The following KCNQ1 variants were observed in gnomAD, a reference collection of about 807,000 sequenced individuals.
KCNQ1 encodes the protein potassium voltage-gated channel subfamily Q member 1.
Under a neutral mutation model 72.4 loss-of-function variants are expected in KCNQ1, and 49 were observed. The ratio of observed to expected loss-of-function variants is 0.68; its 90% CI spans 0.54 to 0.86. The LOEUF is 0.86. Ranked by LOEUF, KCNQ1 falls within the 40% of genes least tolerant of loss-of-function variation. The pLI, the probability that KCNQ1 is intolerant of heterozygous loss-of-function variation, is 0.00. For missense variants in KCNQ1, 790 were observed against 945.1 expected (o/e 0.84, Z 2.15); for synonymous variants, 450 against 412.6 (o/e 1.09, Z -1.10).
chr11:2,453,719 C>T (rs1343396468), intron 1 of KCNQ1, among the ~76,000 whole-genome samples: 1 of 152,246 alleles, frequency 6.6e-6, no homozygotes, highest in Non-Finnish European at 1.5e-5. Context: ...ACTGTCTTCA[C>T]TGACCTGTGA....
intron 10 of KCNQ1, chr11:2,633,254 A>G (rs974239029): frequency 2.3e-5 from 9 of 398,358 alleles, no homozygotes; most frequent in Admixed American, 4.4e-5. Context: ...TTGCTGTTGA[A>G]TTGTTTGAAT....
At position 2,627,658 on chromosome 11, in the gene KCNQ1, TTG is replaced by T. The variant is rs765964478; in HGVS notation, c.1394-34293_1394-34292del. 22 of 398,366 alleles carry T rather than the reference TTG, an allele frequency of 5.5e-5. No individual in the cohort carries two copies. Among genetic ancestry groups the T allele is most frequent in the Non-Finnish European group, 4.9e-5 (11 of 226,038 alleles). The allele number at this position is 398,366 out of a possible 1,614,324, so 24.7% of individuals were successfully genotyped here. A position where few individuals can be genotyped will look rare whatever the true frequency, so the allele number is the denominator to read the frequency against. The stretch of plus-strand genomic sequence containing the variant: ...TGCTTTTTAAAGGATGAATATTTCA[TTG>T]TGTGTGTGTATATATGTGTGTGTGT... On this transcript the variant is annotated intron_variant, in intron 10 of 15. Coordinates refer to ENST00000155840, the MANE Select transcript of KCNQ1 (RefSeq NM_000218.3). This position sits in a 1 kb window ranked among gnomAD's most constrained non-coding sequence, Gnocchi z 4.9.
chr11:2,577,577 C>T lies in KCNQ1; in HGVS notation c.921+4591C>T, dbSNP rs542430639. Among the ~76,000 whole-genome samples the T allele has an allele frequency of 1.3e-4, 20 of 152,296 alleles. 1 individual carries two copies. The South Asian group carries it at 2.5e-3, about 19-fold the overall frequency. On this transcript the variant is annotated intron_variant, in intron 6 of 15. Coordinates refer to ENST00000155840, the MANE Select transcript of KCNQ1 (RefSeq NM_000218.3). ...CCATGTGACGGGGAGGCCTGGCCCT[C>T]GTGAATTGGTGTTCGTTTATTTACT...
rs140419554 is a variant in KCNQ1, at chr11:2,764,742, G to A, written c.1515-4102G>A. 6.6e-6 allele frequency among the ~76,000 whole-genome samples: 1 copy of A among 152,190 alleles called. No homozygotes were observed. Among genetic ancestry groups the A allele is most frequent in the East Asian group, 1.9e-4 (1 of 5,186 alleles). On this transcript the variant is annotated intron_variant, in intron 11 of 15. Coordinates refer to ENST00000155840, the MANE Select transcript of KCNQ1 (RefSeq NM_000218.3). This position sits in a 1 kb window ranked among gnomAD's most constrained non-coding sequence, Gnocchi z 4.8. ...TTTTGTGTCTACTTTTACATACTGT[G>A]TTTTTAAATAATTTGTATATTTTAT...
intron 11 of KCNQ1, among the ~76,000 whole-genome samples, chr11:2,763,345 C>G (rs1022577433): frequency 6.7e-6 from 1 of 149,608 alleles, no homozygotes; most frequent in African/African-American, 2.5e-5. Flanking sequence ...GAGAGGATCA[C>G]TTGAGCCCAG....
chr11:2,756,441 TAA>T (rs59499292), intron 11 of KCNQ1, among the ~76,000 whole-genome samples: 5,383 of 137,218 alleles, frequency 0.039, 291 homozygotes, highest in African/African-American at 0.12. Flanking sequence ...TTACTAAAAT[TAA>T]AAAAAAAAAA....
At chr11:2,775,722 G>A (rs1846682168) in intron 12 of KCNQ1, among the ~76,000 whole-genome samples, 1 of 152,234 alleles carries the variant, frequency 6.6e-6, no homozygotes, top group African/African-American at 2.4e-5. Context: ...TAGACAGGAA[G>A]CTGGGACCCA....
chr11:2,464,034 T>G lies in KCNQ1; in HGVS notation c.386+18550T>G, dbSNP rs753479128. ...CTCTGCAGAGCAGGACTGTGGAAAA[T>G]GGACACTGATGCTGCCCGGTGGATC... On this transcript the variant is annotated intron_variant, in intron 1 of 15. Transcript: ENST00000155840. This position sits in a 1 kb window ranked among gnomAD's most constrained non-coding sequence, Gnocchi z 5.0. 1.9e-4 allele frequency among the ~76,000 whole-genome samples: 29 copies of G among 152,034 alleles called. No individual in the cohort carries two copies. The highest frequency in any genetic ancestry group is 6.2e-4 in the South Asian group (3 of 4,826).
At chr11:2,757,318 C>G (rs1846319950) in intron 11 of KCNQ1, among the ~76,000 whole-genome samples, 1 of 152,036 alleles carries the variant, frequency 6.6e-6, no homozygotes, top group South Asian at 2.1e-4. Flanking sequence ...AGAAACAATA[C>G]CATTTACAAT....
chr11:2,685,216 C>T, intron 11 of KCNQ1: 1 of 398,676 alleles, frequency 2.5e-6, no homozygotes, highest in Non-Finnish European at 4.4e-6. Flanking sequence ...ACAGCTCACA[C>T]ACGGAGGCAC....
chr11:2,522,522 C>T (rs185452463), intron 1 of KCNQ1, among the ~76,000 whole-genome samples: 7 of 152,336 alleles, frequency 4.6e-5, no homozygotes, highest in Admixed American at 4.6e-4. Context: ...AGCTCGGCAC[C>T]TGTGAGGTTC....
rs1354521649 is a variant in KCNQ1 at position 2,624,324 on chromosome 11, A to G, written c.1393+35470A>G. ...TTTATATATTTTGGATGAGTCCTTT[A>G]TCAGGTATATCTTTTACAAGTATTG... On this transcript the variant is annotated intron_variant, in intron 10 of 15. Transcript: ENST00000155840. The surrounding 1 kb of genome is among the most constrained non-coding windows in gnomAD (Gnocchi z 4.9). 4 of 398,388 alleles carry G rather than the reference A, an allele frequency of 1.0e-5. No homozygotes were observed. Among genetic ancestry groups the G allele is most frequent in the Middle Eastern group, 6.2e-4 (1 of 1,610 alleles). 24.7% of individuals were successfully genotyped at this position (398,388 alleles called of 1,614,324 possible).
In KCNQ1 at chr11:2,831,338, A is replaced by T. The variant is rs116193319; in HGVS notation, c.1795-16429A>T. Among the ~76,000 whole-genome samples, 348 of 152,212 alleles carry T rather than the reference A, an allele frequency of 2.3e-3. 1 individual carries two copies. Among genetic ancestry groups the T allele is most frequent in the African/African-American group, 8.0e-3 (333 of 41,530 alleles). On this transcript the variant is annotated intron_variant, in intron 15 of 15. Coordinates refer to ENST00000155840, the MANE Select transcript of KCNQ1 (RefSeq NM_000218.3). Reference sequence around the variant, plus strand: ...CCCTACACCATCAGGGGGTGCTTGGACCAGTGGCGGCTGGAAATAACCCAT... The same window carrying T: ...CCCTACACCATCAGGGGGTGCTTGGTCCAGTGGCGGCTGGAAATAACCCAT...
rs1287943184 is a variant in KCNQ1 at position 2,803,308 on chromosome 11, T to C, written c.1794+25271T>C. Among the ~76,000 whole-genome samples the C allele has an allele frequency of 6.6e-6, 1 of 152,150 alleles. No homozygotes were observed. The highest frequency in any genetic ancestry group is 1.5e-5 in the Non-Finnish European group (1 of 67,998). On this transcript the variant is annotated intron_variant, in intron 15 of 15. Coordinates refer to ENST00000155840, the MANE Select transcript of KCNQ1 (RefSeq NM_000218.3). The surrounding 1 kb of genome is among the most constrained non-coding windows in gnomAD (Gnocchi z 6.4). ...GGCCCCGGAGTCAGCAAGGGCTTCC[T>C]GGGGGCCCAGGTCAGCCTGGACGGT...
chr11:2,838,266 A>G (rs1848123319), intron 15 of KCNQ1, among the ~76,000 whole-genome samples: 1 of 152,210 alleles, frequency 6.6e-6, no homozygotes, highest in Admixed American at 6.5e-5. Flanking sequence ...AACTATCCAC[A>G]TGCCCGTCAG....
rs569633182 is a variant in KCNQ1, at chr11:2,559,864, G to C, written c.478-10764G>C. Among the ~76,000 whole-genome samples, 4 of 152,016 alleles carry C rather than the reference G, an allele frequency of 2.6e-5. No homozygotes were observed. The South Asian group carries it at 8.3e-4, about 32-fold the overall frequency. On this transcript the variant is annotated intron_variant, in intron 2 of 15. Transcript: ENST00000155840. This position sits in a 1 kb window ranked among gnomAD's most constrained non-coding sequence, Gnocchi z 4.9. ...GCTCCTTCCTCCCTCTCTGTCTCTG[G>C]GGTCCCATGGGAAGTCAGGGTGGGG...
At chr11:2,835,468 C>A (rs955417722) in intron 15 of KCNQ1, among the ~76,000 whole-genome samples, 12 of 152,132 alleles carry the variant, frequency 7.9e-5, no homozygotes, top group Admixed American at 5.2e-4. Context: ...GTCACCCTAC[C>A]GGCAGAGCTC....
chr11:2,726,970 G>GT (rs1387090413), intron 11 of KCNQ1, among the ~76,000 whole-genome samples: 1 of 152,246 alleles, frequency 6.6e-6, no homozygotes, highest in East Asian at 1.9e-4. Context: ...CTGCCCCCAG[G>GT]TGAAGGGTTG....
chr11:2,685,175 A>T (rs1163805176), intron 11 of KCNQ1: 1 of 398,650 alleles, frequency 2.5e-6, no homozygotes, highest in Non-Finnish European at 4.4e-6. Context: ...CCCCATCTGC[A>T]TGGAATGCCC....
Sources: gnomAD v4.1 joint callset for allele counts (sites outside exome capture counted in the v4.1 genomes callset) on GRCh38, gnomAD v4.1.1 for gene constraint, Gnocchi (gnomAD v3.1) non-coding constraint, MANE v1.5 for transcripts, NCBI Gene and HGNC (gene_info 2026-07-23, HGNC 2026-07-21) for gene names.